The following VAV2 variants were observed in gnomAD, a reference collection of about 807,000 sequenced individuals.
The protein encoded by VAV2 is vav guanine nucleotide exchange factor 2, also known as guanine nucleotide exchange factor VAV2.
In VAV2, 67 loss-of-function variants were observed where a neutral mutation model predicts 132.5. The observed-to-expected ratio is 0.51, with a 90% CI of 0.42 to 0.62. VAV2 has a LOEUF of 0.62. Among genes scored for constraint, VAV2 ranks in the 20% least tolerant of loss-of-function variants. The probability of loss-of-function intolerance (pLI) is 0.00; values close to 1 mark genes in which losing one functional copy is unlikely to be tolerated. For missense variants in VAV2, 938 were observed against 1,153.6 expected (o/e 0.81, Z 2.71); for synonymous variants, 492 against 443.5 (o/e 1.11, Z -1.37).
At position 133,961,248 on chromosome 9, in the gene VAV2, T is replaced by C. The variant is rs950177896; in HGVS notation, c.205-22029A>G. ...ATCTCAGAGGAGTGTCCATTAAGAG[T>C]AGGGTTCCTCACTCTCAGAGCAGAC... On this transcript the variant is annotated intron_variant, in intron 1 of 29. Transcript: ENST00000371850. This position sits in a 1 kb window ranked among gnomAD's most constrained non-coding sequence, Gnocchi z 4.1. Among the ~76,000 whole-genome samples the C allele has an allele frequency of 2.6e-5, 4 of 151,974 alleles. No individual in the cohort carries two copies. The highest frequency in any genetic ancestry group is 4.8e-5 in the African/African-American group (2 of 41,376).
intron 9 of VAV2, among the ~76,000 whole-genome samples, chr9:133,803,577 C>T (rs1284139430): frequency 6.6e-6 from 1 of 152,188 alleles, no homozygotes; most frequent in Non-Finnish European, 1.5e-5. Flanking sequence ...CCCTTTTAGG[C>T]CCACAGGGCA....
chr9:133,886,459 GCTCT>G (rs1269385511), intron 2 of VAV2, among the ~76,000 whole-genome samples: 2 of 152,204 alleles, frequency 1.3e-5, no homozygotes, highest in Non-Finnish European at 2.9e-5. Context: ...CACAGTCTGA[GCTCT>G]GGCCAGGGTC....
At chr9:133,848,158 T>C (rs1837013552) in intron 3 of VAV2, among the ~76,000 whole-genome samples, 1 of 151,000 alleles carries the variant, frequency 6.6e-6, no homozygotes, top group South Asian at 2.1e-4. Context: ...CGGGCGCCTG[T>C]AGTTCCAGCT....
intron 2 of VAV2, among the ~76,000 whole-genome samples, chr9:133,862,759 A>G (rs1837648973): frequency 6.6e-6 from 1 of 152,240 alleles, no homozygotes; most frequent in Non-Finnish European, 1.5e-5. Context: ...CACATTTGCT[A>G]GACAGGAAAA....
At chr9:133,789,474 A>G in intron 13 of VAV2, 131 bp from the exon 14 acceptor site, 1 of 811,504 alleles carries the variant, frequency 1.2e-6, no homozygotes, top group Non-Finnish European at 2.0e-6. Flanking sequence ...GAAGGGAAAC[A>G]GCCCCTGTGG....
intron 2 of VAV2, among the ~76,000 whole-genome samples, chr9:133,876,621 A>AAGGCT (rs1838276768): frequency 6.6e-6 from 1 of 152,150 alleles, no homozygotes; most frequent in Non-Finnish European, 1.5e-5. Flanking sequence ...CTGGTGTTTG[A>AAGGCT]GAGATGCTTC....
chr9:133,880,556 G>A (rs910280025), intron 2 of VAV2, among the ~76,000 whole-genome samples: 1 of 152,206 alleles, frequency 6.6e-6, no homozygotes, highest in African/African-American at 2.4e-5. Context: ...CACTGCCAAT[G>A]CCACCGCCCA....
At chr9:133,955,177 ACT>A (rs1323341434) in intron 1 of VAV2, among the ~76,000 whole-genome samples, 1 of 151,864 alleles carries the variant, frequency 6.6e-6, no homozygotes, top group Non-Finnish European at 1.5e-5. Flanking sequence ...TTCCAGCCAG[ACT>A]CTGCTTCCTG....
chr9:133,956,026 C>G (rs1841765665), intron 1 of VAV2, among the ~76,000 whole-genome samples: 1 of 151,612 alleles, frequency 6.6e-6, no homozygotes, highest in Non-Finnish European at 1.5e-5. Context: ...CTCGCAGAGT[C>G]AAGACCTGGA....
intron 1 of VAV2, among the ~76,000 whole-genome samples, chr9:133,968,461 GCAGTTGT>G (rs1393848164): frequency 1.3e-5 from 2 of 152,168 alleles, no homozygotes; most frequent in Admixed American, 6.5e-5. Context: ...GCTCAGAGAT[GCAGTTGT>G]CAAAGCTCTG....
chr9:133,886,391 A>T (rs1345787575), intron 2 of VAV2, among the ~76,000 whole-genome samples: 5 of 152,172 alleles, frequency 3.3e-5, no homozygotes, highest in Admixed American at 3.3e-4. Context: ...TTCAGAGGCT[A>T]AGTAACCTGC....
rs1006282059 is a variant in VAV2, at chr9:133,785,120, G to C, written c.1532+656C>G. ...AGGCCCTGGCCCTGCTGTGTCCAAT[G>C]GTTCCCTTTCGATCCTCCCAAAAAG... is the stretch of plus-strand genomic sequence containing the variant. On this transcript the variant is annotated intron_variant, in intron 17 of 29. Transcript: ENST00000371850. 1.4e-4 allele frequency among the ~76,000 whole-genome samples: 21 copies of C among 152,052 alleles called. 1 individual carries two copies. The highest frequency in any genetic ancestry group is 1.2e-3 in the Admixed American group (19 of 15,270).
At chr9:133,950,361 G>A (rs1057236906) in intron 1 of VAV2, among the ~76,000 whole-genome samples, 5 of 152,128 alleles carry the variant, frequency 3.3e-5, no homozygotes, top group South Asian at 2.1e-4. Flanking sequence ...GTCAGACACC[G>A]AATAAGAGGC....
Position 133,788,368 on chromosome 9 carries a change from T to C in VAV2, c.1393A>G (p.Lys465Glu). Residue 465 changes from lysine to glutamate, a missense_variant, in exon 15 of 30, where the codon AAG (lysine) becomes GAG (glutamate). Lys to Glu is a moderately conservative substitution (Grantham distance 56). Coordinates refer to ENST00000371850, the MANE Select transcript of VAV2 (RefSeq NM_001134398.2). This position sits in a 1 kb window ranked among gnomAD's most constrained non-coding sequence, Gnocchi z 5.3. ...HKMTDDPMNNKDVKKSHGKMW... is the reference protein window; with the variant it reads ...HKMTDDPMNNEDVKKSHGKMW... The stretch of plus-strand genomic sequence containing the variant: ...GAAGGCCCCACCTTCTTGACGTCCT[T>C]GTTGTTCATGGGGTCGTCGGTCATC... 1 of 1,608,390 alleles carries C rather than the reference T, an allele frequency of 6.2e-7. No individual in the cohort carries two copies. Among genetic ancestry groups the C allele is most frequent in the Non-Finnish European group, 8.5e-7 (1 of 1,175,264 alleles).
At chr9:133,810,452 G>T (rs1835317157) in intron 5 of VAV2, among the ~76,000 whole-genome samples, 2 of 152,222 alleles carry the variant, frequency 1.3e-5, no homozygotes, top group South Asian at 4.1e-4. Context: ...TTCCTTTGGG[G>T]AAGTCACCAT....
chr9:133,940,197 T>C (rs774000298), intron 1 of VAV2, among the ~76,000 whole-genome samples: 2 of 152,190 alleles, frequency 1.3e-5, no homozygotes, highest in Non-Finnish European at 2.9e-5. Context: ...GGATTAATCA[T>C]GTGCCCTGAT....
chr9:133,780,615 A>G, intron 20 of VAV2, 79 bp downstream of exon 20: 2 of 1,237,220 alleles, frequency 1.6e-6, no homozygotes, highest in Non-Finnish European at 2.0e-6. Context: ...AAGGCAGACA[A>G]TTGGGTCTTT....
chr9:133,801,746 A>G (rs1834936560), intron 9 of VAV2, among the ~76,000 whole-genome samples: 1 of 152,192 alleles, frequency 6.6e-6, no homozygotes, highest in South Asian at 2.1e-4. Context: ...GACTCCAATG[A>G]GAGTGGCCTC....
rs1264300086 is a variant in VAV2 at position 133,991,386 on chromosome 9, C to A, written c.204+689G>T. Among the ~76,000 whole-genome samples, 1 of 152,204 alleles carries A rather than the reference C, an allele frequency of 6.6e-6. No individual in the cohort carries two copies. The highest frequency in any genetic ancestry group is 6.5e-5 in the Admixed American group (1 of 15,294). ...TGCCTCCGCCGCGACAAAGGCCACA[C>A]TCAGCGCCCGAAGGAGGGGTGGGGG... On this transcript the variant is annotated intron_variant, in intron 1 of 29. Coordinates refer to ENST00000371850, the MANE Select transcript of VAV2 (RefSeq NM_001134398.2). The surrounding 1 kb of genome is among the most constrained non-coding windows in gnomAD (Gnocchi z 4.8).
Sources: gnomAD v4.1 joint callset for allele counts (sites outside exome capture counted in the v4.1 genomes callset) on GRCh38, gnomAD v4.1.1 for gene constraint, Gnocchi (gnomAD v3.1) non-coding constraint, MANE v1.5 for transcripts, NCBI Gene and HGNC (gene_info 2026-07-23, HGNC 2026-07-21) for gene names.